Variants in MIB1 observed in about 807,000 individuals in gnomAD.
MIB1 encodes the protein MIB E3 ubiquitin protein ligase 1, also known as E3 ubiquitin-protein ligase MIB1.
In MIB1, 278 loss-of-function variants were observed where a neutral mutation model predicts 124.5. The ratio of observed to expected loss-of-function variants is 2.23; its 90% CI spans 2.02 to 2.47. MIB1 has a LOEUF of 2.47. Ranked by LOEUF, MIB1 falls within the 30% of genes most tolerant of loss-of-function variation. The pLI is 0.00. For synonymous variants in MIB1, 446 were observed against 429.4 expected (o/e 1.04, Z -0.48); for missense variants, 957 against 1,254.4 (o/e 0.76, Z 3.58).
intron 9 of MIB1, 81 bp from the exon 10 acceptor site, chr18:21,803,826 A>T: frequency 1.0e-6 from 1 of 994,778 alleles, no homozygotes; most frequent in East Asian, 2.6e-5. Flanking sequence ...AGTATACTAG[A>T]CTTAAACCTA....
chr18:21,863,627 G>A (rs1287880332), intron 20 of MIB1, among the ~76,000 whole-genome samples: 2 of 152,068 alleles, frequency 1.3e-5, no homozygotes, highest in East Asian at 1.9e-4. Flanking sequence ...GTCTTTAAAG[G>A]CACAACATGG....
chr18:21,819,300 A>G (rs2041858623), intron 11 of MIB1, among the ~76,000 whole-genome samples, 195 bp from the exon 12 acceptor site: 3 of 152,146 alleles, frequency 2.0e-5, no homozygotes, highest in African/African-American at 7.2e-5. Context: ...CAGCCTCCCA[A>G]AGTGCTAGGG....
chr18:21,792,794 T>C (rs138715337), intron 7 of MIB1, among the ~76,000 whole-genome samples: 64 of 152,288 alleles, frequency 4.2e-4, no homozygotes, highest in African/African-American at 1.5e-3. Context: ...ACCTGTCTTA[T>C]TTCAAAACCT....
chr18:21,862,941 T>C (rs1459087852), intron 20 of MIB1, among the ~76,000 whole-genome samples: 1 of 152,210 alleles, frequency 6.6e-6, no homozygotes, highest in Non-Finnish European at 1.5e-5. Flanking sequence ...TGGAGCTATT[T>C]TCATCCATTT....
At chr18:21,767,796 C>T (rs2041180128) in intron 2 of MIB1, among the ~76,000 whole-genome samples, 1 of 152,170 alleles carries the variant, frequency 6.6e-6, no homozygotes, top group African/African-American at 2.4e-5. Context: ...ATCCACCTGC[C>T]TTGGCCTCCC....
At chr18:21,771,017 G>A (rs978615002) in intron 3 of MIB1, among the ~76,000 whole-genome samples, 1 of 152,090 alleles carries the variant, frequency 6.6e-6, no homozygotes, top group Non-Finnish European at 1.5e-5. Context: ...ATGTGATGCT[G>A]TGTATTTTCT....
At chr18:21,737,260 C>T (rs989499661), upstream of MIB1, among the ~76,000 whole-genome samples, 2 of 152,146 alleles carry the variant, frequency 1.3e-5, no homozygotes, top group East Asian at 1.9e-4. Context: ...TTTCAACCCA[C>T]AATTTCATAT....
At chr18:21,819,156 G>C (rs1417083081) in intron 11 of MIB1, among the ~76,000 whole-genome samples, 2 of 152,132 alleles carry the variant, frequency 1.3e-5, no homozygotes, top group Non-Finnish European at 2.9e-5. Flanking sequence ...TTCTGCCTCA[G>C]CCTCCTGAGT....
At chr18:21,722,214 C>G (rs1476635919) in intron 1 of MIB1, among the ~76,000 whole-genome samples, 1 of 151,714 alleles carries the variant, frequency 6.6e-6, no homozygotes, top group Non-Finnish European at 1.5e-5. Context: ...ACCACCACAC[C>G]TGGCTAATTT....
intron 1 of MIB1, among the ~76,000 whole-genome samples, chr18:21,754,023 T>A (rs1294488612): frequency 6.6e-6 from 1 of 152,164 alleles, no homozygotes; most frequent in Non-Finnish European, 1.5e-5. Flanking sequence ...TAAACTCACC[T>A]CCTAACCCCC....
chr18:21,714,324 A>G (rs2040679101), intron 1 of MIB1, among the ~76,000 whole-genome samples: 2 of 152,076 alleles, frequency 1.3e-5, no homozygotes, highest in Admixed American at 1.3e-4. Context: ...CAAATGCTAG[A>G]TCTCTTGGTG....
chr18:21,798,673 C>T (rs2041614278), intron 8 of MIB1, among the ~76,000 whole-genome samples: 1 of 151,938 alleles, frequency 6.6e-6, no homozygotes, highest in African/African-American at 2.4e-5. Context: ...TATTTTTTCT[C>T]TTACCATTTA....
intron 6 of MIB1, among the ~76,000 whole-genome samples, chr18:21,786,197 C>T (rs1598610173): frequency 6.6e-6 from 1 of 151,940 alleles, no homozygotes; most frequent in Admixed American, 6.6e-5. Context: ...CCTGGGTTCA[C>T]ACCATTCTCC....
intron 20 of MIB1, among the ~76,000 whole-genome samples, chr18:21,860,125 T>TTTTTTTG (rs1273694921): frequency 9.3e-6 from 1 of 107,334 alleles, no homozygotes; most frequent in African/African-American, 3.0e-5. Context: ...TTTTTTTTTT[T>TTTTTTTG]AGAGTCTCAC....
chr18:21,752,328 G>GT (rs898358164), intron 1 of MIB1, among the ~76,000 whole-genome samples: 11 of 151,126 alleles, frequency 7.3e-5, no homozygotes, highest in South Asian at 2.1e-4. Context: ...GCTTTATAAA[G>GT]TTTTTTTTTA....
intron 1 of MIB1, among the ~76,000 whole-genome samples, chr18:21,730,446 T>G (rs1399311698): frequency 6.6e-6 from 1 of 152,182 alleles, no homozygotes; most frequent in Non-Finnish European, 1.5e-5. Flanking sequence ...TGTGCGCCTG[T>G]AGTCCTGGCT....
chr18:21,791,683 A>G, intron 7 of MIB1, 126 bp downstream of exon 7: 1 of 668,870 alleles, frequency 1.5e-6, no homozygotes, highest in Non-Finnish European at 2.4e-6. Flanking sequence ...ATTTGCACCT[A>G]GACATACTCG....
At chr18:21,735,070 T>C (rs748213228) in intron 1 of MIB1, among the ~76,000 whole-genome samples, 2 of 152,206 alleles carry the variant, frequency 1.3e-5, no homozygotes, top group Non-Finnish European at 2.9e-5. Context: ...TGATTAAGTG[T>C]TGATTTTAAG....
At chr18:21,751,631 A>G (rs117561147) in intron 1 of MIB1, among the ~76,000 whole-genome samples, 220 of 152,198 alleles carry the variant, frequency 1.4e-3, no homozygotes, top group South Asian at 4.1e-3. Flanking sequence ...TGCTTATACT[A>G]TATCTCATGT....
Sources: gnomAD v4.1 joint callset for allele counts (sites outside exome capture counted in the v4.1 genomes callset) on GRCh38, gnomAD v4.1.1 for gene constraint, MANE v1.5 for transcripts, NCBI Gene and HGNC (gene_info 2026-07-23, HGNC 2026-07-21) for gene names.